Variants in BRCA2 observed in about 807,000 individuals in gnomAD.
The protein encoded by BRCA2 is BRCA2 DNA repair associated, also known as breast cancer type 2 susceptibility protein.
In BRCA2, 203 loss-of-function variants were observed where a neutral mutation model predicts 276.7. The ratio of observed to expected loss-of-function variants is 0.73; its 90% CI spans 0.65 to 0.82. The LOEUF (loss-of-function observed/expected upper bound fraction) is 0.82, where lower values mean the gene tolerates loss of function less well. Ranked by LOEUF, BRCA2 falls within the 40% of genes least tolerant of loss-of-function variation. The pLI is 0.00. For synonymous variants in BRCA2, 1,289 were observed against 1,338.4 expected (o/e 0.96, Z 0.81); for missense variants, 3,920 against 3,915.0 (o/e 1.00, Z -0.03).
In BRCA2 at chr13:32,337,474, C is replaced by T. The variant is rs587781475; in HGVS notation, c.3119C>T (p.Thr1040Ile). 6.2e-7 allele frequency: 1 copy of T among 1,610,466 alleles called. No individual in the cohort carries two copies. Residue 1040 changes from threonine (T) to isoleucine (I), a missense_variant, in exon 11 of 27, where the codon ACT becomes ATT. Thr to Ile is a moderately conservative substitution (Grantham distance 89). Coordinates refer to ENST00000380152, the MANE Select transcript of BRCA2 (RefSeq NM_000059.4). ...FFKDIEEQYP[T>I]SLACVEIVNT... ...AAAGATATTGAAGAACAATATCCTA[C>T]TAGTTTAGCTTGTGTTGAAATTGTA... is the stretch of plus-strand genomic sequence containing the variant.
intron 11 of BRCA2, among the ~76,000 whole-genome samples, chr13:32,343,867 C>T (rs991621870): frequency 3.3e-5 from 5 of 152,052 alleles, no homozygotes; most frequent in African/African-American, 1.2e-4. Context: ...TTATAATAAT[C>T]TAACACCTCC....
chr13:32,329,603 C>T (rs538823637), intron 8 of BRCA2, 111 bp downstream of exon 8: 2 of 907,254 alleles, frequency 2.2e-6, no homozygotes, highest in African/African-American at 1.7e-5. Flanking sequence ...TTTATCTAAG[C>T]CTTTGAGAAA....
intron 7 of BRCA2, among the ~76,000 whole-genome samples, chr13:32,327,138 C>G (rs1286731641): frequency 6.6e-6 from 1 of 152,216 alleles, no homozygotes; most frequent in East Asian, 1.9e-4. Flanking sequence ...GTTTCTCTTA[C>G]TAGGATCTAG....
intron 18 of BRCA2, among the ~76,000 whole-genome samples, chr13:32,368,992 T>C (rs2137593531): frequency 6.6e-6 from 1 of 152,084 alleles, no homozygotes; most frequent in Admixed American, 6.5e-5. Context: ...TTATTTTTAG[T>C]AGAGACGGGG....
intron 13 of BRCA2, among the ~76,000 whole-genome samples, chr13:32,348,643 T>C (rs1466138512): frequency 6.6e-6 from 1 of 152,092 alleles, no homozygotes; most frequent in African/African-American, 2.4e-5. Flanking sequence ...TACTAAAAGA[T>C]CTCTTGTGCG....
chr13:32,382,033 T>G lies in BRCA2; in HGVS notation c.9256+1888T>G, dbSNP rs11571776. ...TTAAGTTTTAGATGCTTATTAGGCA[T>G]CTAAGTAGAAATGTCTACTTGATGG... On this transcript the variant is annotated intron_variant, in intron 24 of 26. Transcript: ENST00000380152. Among the ~76,000 whole-genome samples the G allele has an allele frequency of 7.2e-3, 1,095 of 152,328 alleles. 16 individuals are homozygous for G. The highest frequency in any genetic ancestry group is 0.025 in the African/African-American group (1,039 of 41,570).
At chr13:32,384,977 AC>A in intron 24 of BRCA2, 1 of 379,400 alleles carries the variant, frequency 2.6e-6, no homozygotes, top group Non-Finnish European at 4.9e-6. Context: ...TGGGTGTATT[AC>A]CACATGGGCA....
chr13:32,338,119 T>G lies in BRCA2; in HGVS notation c.3764T>G (p.Val1255Gly), dbSNP rs1593900450. 1 of 1,608,358 alleles carries G rather than the reference T, an allele frequency of 6.2e-7. No homozygotes were observed. The highest frequency in any genetic ancestry group is 1.3e-5 in the African/African-American group (1 of 74,726). ...ENISEETSAE[V>G]HPISLSSSKC... is the part of the protein sequence containing the mutation. ...ATTAGTGAGGAAACTTCTGCAGAGG[T>G]ACATCCAATAAGTTTATCTTCAAGT... Residue 1255 changes from valine to glycine, a missense_variant, in exon 11 of 27, where the codon GTA becomes GGA. By Grantham distance (109) the Val-to-Gly change is moderately radical. This residue lies in a region of BRCA2 where 3,263 missense variants were observed against 3,156.9 expected (regional missense o/e 1.03). Coordinates refer to ENST00000380152, the MANE Select transcript of BRCA2 (RefSeq NM_000059.4).
At chr13:32,387,034 T>G (rs1257902370) in intron 24 of BRCA2, among the ~76,000 whole-genome samples, 1 of 76,988 alleles carries the variant, frequency 1.3e-5, no homozygotes, top group Non-Finnish European at 2.6e-5. Context: ...GGCTTGTAGA[T>G]GTCTCACCTC....
Position 32,340,084 on chromosome 13 carries a change from A to G in BRCA2, c.5729A>G (p.Asn1910Ser), listed in dbSNP as rs276174863. The G allele has an allele frequency of 6.2e-7, 1 of 1,613,962 alleles. No individual in the cohort carries two copies. Among genetic ancestry groups the G allele is most frequent in the Non-Finnish European group, 8.5e-7 (1 of 1,179,890 alleles). Residue 1910 changes from asparagine to serine, a missense_variant, in exon 11 of 27, where the codon AAT (asparagine) becomes AGT (serine). This residue lies in a region of BRCA2 where 3,263 missense variants were observed against 3,156.9 expected (regional missense o/e 1.03). Transcript: ENST00000380152. The part of the protein sequence containing the change: ...SEDILHNSLD[N>S]DECSTHSHKV... ...GATATTCTTCATAACTCTCTAGATA[A>G]TGATGAATGTAGCACGCATTCACAT...
chr13:32,338,427 T>C lies in BRCA2; in HGVS notation c.4072T>C (p.Phe1358Leu), dbSNP rs1555283536. The C allele has an allele frequency of 6.2e-7, 1 of 1,609,434 alleles. No homozygotes were observed. The highest frequency in any genetic ancestry group is 1.3e-5 in the African/African-American group (1 of 74,878). Residue 1358 changes from phenylalanine (F) to leucine (L), a missense_variant, in exon 11 of 27, where the codon TTT (phenylalanine) becomes CTT (leucine). Phe to Leu is a conservative substitution (Grantham distance 22). Coordinates refer to ENST00000380152, the MANE Select transcript of BRCA2 (RefSeq NM_000059.4). Reference sequence around the variant, plus strand: ...TCATAAAGATGAAACGGACTTGCTATTTACTGATCAGCACAACATATGTCT... The same window carrying C: ...TCATAAAGATGAAACGGACTTGCTACTTACTGATCAGCACAACATATGTCT... ...CIHKDETDLLFTDQHNICLKL... is the reference protein window; with the variant it reads ...CIHKDETDLLLTDQHNICLKL...
chr13:32,375,247 T>C, intron 20 of BRCA2: 1 of 340,842 alleles, frequency 2.9e-6, no homozygotes, highest in Non-Finnish European at 5.8e-6. Flanking sequence ...AAGCTCCTTA[T>C]CATTTAAGTT....
intron 10 of BRCA2, among the ~76,000 whole-genome samples, chr13:32,335,936 C>A (rs866709527): frequency 1.3e-5 from 2 of 152,158 alleles, no homozygotes; most frequent in Middle Eastern, 6.8e-3. Flanking sequence ...GTCTGGAGTG[C>A]ACTAGTGTGA....
intron 2 of BRCA2, among the ~76,000 whole-genome samples, chr13:32,318,685 G>T (rs1039970499): frequency 6.6e-6 from 1 of 152,176 alleles, no homozygotes. Context: ...TGATCTGCTC[G>T]CCTCAGCCTC....
Position 32,339,369 on chromosome 13 carries a change from T to C in BRCA2, c.5014T>C (p.Tyr1672His), listed in dbSNP as rs781671762. 5 of 1,591,978 alleles carry C rather than the reference T, an allele frequency of 3.1e-6. No homozygotes were observed. In the Admixed American group the frequency reaches 9.0e-5, roughly 29 times the overall value. The change falls in exon 11 of 27, where the codon TAC (tyrosine) becomes CAC (histidine). Residue 1672 changes from tyrosine (Y) to histidine (H), a missense_variant. Physicochemically the swap from Tyr to His is moderately conservative, Grantham distance 83. Coordinates refer to ENST00000380152, the MANE Select transcript of BRCA2 (RefSeq NM_000059.4). ...SVIENSALAF[Y>H]TSCSRKTSVS... The stretch of plus-strand genomic sequence containing the variant: ...CATTGAAAATTCAGCCTTAGCTTTT[T>C]ACACAAGTTGTAGTAGAAAAACTTC...
chr13:32,370,266 C>G (rs978078133), intron 18 of BRCA2, 136 bp from the exon 19 acceptor site: 4 of 785,624 alleles, frequency 5.1e-6, no homozygotes, highest in African/African-American at 1.8e-5. Context: ...TATTTACTGT[C>G]TTACTAATCT....
chr13:32,320,442 C>T (rs1158502969), intron 3 of BRCA2, among the ~76,000 whole-genome samples: 2 of 152,160 alleles, frequency 1.3e-5, no homozygotes, highest in African/African-American at 2.4e-5. Context: ...AATTTCTTTT[C>T]GTTACCAAAA....
intron 21 of BRCA2, among the ~76,000 whole-genome samples, chr13:32,377,991 C>T (rs933786642): frequency 2.0e-5 from 3 of 152,172 alleles, no homozygotes; most frequent in Non-Finnish European, 4.4e-5. Context: ...TGGGTTCTCC[C>T]TGTGAGAAGT....
chr13:32,396,861 G>A (rs2137658505), intron 25 of BRCA2, 37 bp from the exon 26 acceptor site: 2 of 1,612,610 alleles, frequency 1.2e-6, no homozygotes, highest in Non-Finnish European at 8.5e-7. Flanking sequence ...ATGTGGGTTT[G>A]CAATTTATAA....
Sources: allele counts gnomAD v4.1 joint callset (sites outside exome capture counted in the v4.1 genomes callset), GRCh38; gene constraint gnomAD v4.1.1; regional missense constraint gnomAD v4.1.1; transcripts MANE v1.5; gene names NCBI Gene and HGNC (gene_info 2026-07-23, HGNC 2026-07-21).